RAPGEF5: variants seen among roughly 807,000 people sequenced by gnomAD.
The protein encoded by RAPGEF5 is Rap guanine nucleotide exchange factor 5.
Under a neutral mutation model 125.2 loss-of-function variants are expected in RAPGEF5, and 65 were observed. The ratio of observed to expected loss-of-function variants is 0.52; its 90% CI spans 0.43 to 0.64. The LOEUF (loss-of-function observed/expected upper bound fraction) is 0.64. Among genes scored for constraint, RAPGEF5 ranks in the 30% least tolerant of loss-of-function variants. The pLI is 0.00. For synonymous variants in RAPGEF5, 391 were observed against 385.9 expected, an observed-to-expected ratio of 1.01 and a Z score of -0.16; for missense variants, 958 against 1,048.1, an observed-to-expected ratio of 0.91 and a Z score of 1.19.
At chr7:22,136,241 T>C (rs1216689158) in intron 22 of RAPGEF5, 116 bp from the exon 23 acceptor site, 2 of 711,608 alleles carry the variant, frequency 2.8e-6, no homozygotes, top group Non-Finnish European at 2.2e-6. Flanking sequence ...AGATTCCTCC[T>C]AAGAACAAAG....
At chr7:22,146,604 C>T (rs1783447201) in intron 19 of RAPGEF5, among the ~76,000 whole-genome samples, 1 of 152,104 alleles carries the variant, frequency 6.6e-6, no homozygotes, top group South Asian at 2.1e-4. Context: ...TAAAATGGTT[C>T]ATCAACCCCA....
At position 22,150,516 on chromosome 7, in the gene RAPGEF5, A is replaced by G. The variant is rs1168696384; in HGVS notation, c.1787-12T>C. 1.4e-5 allele frequency: 11 copies of G among 778,262 alleles called. No individual in the cohort carries two copies. Among genetic ancestry groups the G allele is most frequent in the African/African-American group, 3.7e-5 (2 of 54,138 alleles). 48.2% of individuals were successfully genotyped at this position (778,262 alleles called of 1,614,324 possible). A position where few individuals can be genotyped will look rare whatever the true frequency, so the allele number is the denominator to read the frequency against. On this transcript the variant is annotated splice_polypyrimidine_tract_variant and intron_variant, in intron 17 of 25. Transcript: ENST00000665637. ...AAGTTCATGCTTTTCTTTATTTGAA[A>G]AAAAAAAAAAAAAAAGGAATAATCA...
intron 6 of RAPGEF5, among the ~76,000 whole-genome samples, chr7:22,289,624 A>G (rs933745685): frequency 1.4e-5 from 2 of 142,280 alleles, no homozygotes; most frequent in African/African-American, 2.8e-5. Flanking sequence ...TTTAAACCGA[A>G]AAGTTCTAAA....
intron 11 of RAPGEF5, among the ~76,000 whole-genome samples, chr7:22,183,722 T>G (rs972942349): frequency 6.6e-6 from 1 of 152,180 alleles, no homozygotes; most frequent in Non-Finnish European, 1.5e-5. Flanking sequence ...GTCACATGCA[T>G]ATGTCATTTA....
Position 22,122,436 on chromosome 7 carries a change from C to T in RAPGEF5, c.2622G>A (p.Glu874=). ...CCCGAGGCTCGATCCTGTGTGAGAGCTCAAACAGAGCCTGCTGGCTGTCAA... is the reference window on the plus strand; with the variant it reads ...CCCGAGGCTCGATCCTGTGTGAGAGTTCAAACAGAGCCTGCTGGCTGTCAA... ...YVIDSQQALF[E]LSHRIEPRV Residue 874 remains glutamate, a synonymous_variant, in exon 26 of 26, where the codon GAG becomes GAA. Coordinates refer to ENST00000665637, the MANE Select transcript of RAPGEF5 (RefSeq NM_012294.5). 6.2e-7 allele frequency: 1 copy of T among 1,613,824 alleles called. No individual in the cohort carries two copies. Among genetic ancestry groups the T allele is most frequent in the African/African-American group, 1.3e-5 (1 of 75,042 alleles).
At chr7:22,260,762 T>G (rs534681646) in intron 7 of RAPGEF5, among the ~76,000 whole-genome samples, 39 of 152,176 alleles carry the variant, frequency 2.6e-4, no homozygotes, top group Non-Finnish European at 4.4e-4. Flanking sequence ...CTTGACAAAT[T>G]AAAACTTTGA....
In RAPGEF5 at chr7:22,308,348, A is replaced by T. The variant is rs935869591; in HGVS notation, c.671T>A (p.Ile224Asn). 6.3e-7 allele frequency: 1 copy of T among 1,586,972 alleles called. No homozygotes were observed. The highest frequency in any genetic ancestry group is 8.6e-7 in the Non-Finnish European group (1 of 1,165,246). The change falls in exon 5 of 26, where the codon ATC becomes AAC. Residue 224 changes from isoleucine (I) to asparagine (N), a missense_variant. By Grantham distance (149) the Ile-to-Asn change is moderately radical. Coordinates refer to ENST00000665637, the MANE Select transcript of RAPGEF5 (RefSeq NM_012294.5). ...GAGAGCATCTACTTACAGTTCACAG[A>T]TGCCACCTCTGGCAGGAATGAGAGG... Reference protein sequence around the residue: ...LVPLIPARGGICELSHQKIED... With the variant: ...LVPLIPARGGNCELSHQKIED...
At chr7:22,156,421 CAA>C (rs1272526988) in intron 16 of RAPGEF5, among the ~76,000 whole-genome samples, 1 of 152,094 alleles carries the variant, frequency 6.6e-6, no homozygotes, top group African/African-American at 2.4e-5. Flanking sequence ...TGACTCAGCC[CAA>C]ATCTGCACAT....
intron 1 of RAPGEF5, among the ~76,000 whole-genome samples, chr7:22,337,668 G>C (rs75328837): frequency 0.08 from 12,192 of 152,132 alleles, 611 homozygotes; most frequent in South Asian, 0.17. Flanking sequence ...AGGCAAGATA[G>C]AGTTGGTTAG....
rs370627239 is a variant in RAPGEF5 at position 22,156,898 on chromosome 7, G to A, written c.1558-10C>T. On this transcript the variant is annotated splice_polypyrimidine_tract_variant and intron_variant, in intron 15 of 25. Transcript: ENST00000665637. Reference sequence around the variant, plus strand: ...GGAAAAGGGCTTTATTCTGTGAGATGGGAGAAAGAGAACAATGAATGAATA... The same window carrying A: ...GGAAAAGGGCTTTATTCTGTGAGATAGGAGAAAGAGAACAATGAATGAATA... 2.8e-4 allele frequency: 451 copies of A among 1,613,728 alleles called. No individual in the cohort carries two copies. The highest frequency in any genetic ancestry group is 3.5e-4 in the Non-Finnish European group (414 of 1,179,802).
intron 19 of RAPGEF5, among the ~76,000 whole-genome samples, 173 bp downstream of exon 19, chr7:22,146,724 C>A (rs577856180): frequency 6.6e-6 from 1 of 152,278 alleles, no homozygotes; most frequent in Non-Finnish European, 1.5e-5. Context: ...AGCATGCTCA[C>A]ATATTCTGAT....
At chr7:22,221,577 A>T (rs1322314789) in intron 8 of RAPGEF5, among the ~76,000 whole-genome samples, 1 of 152,170 alleles carries the variant, frequency 6.6e-6, no homozygotes, top group Non-Finnish European at 1.5e-5. Flanking sequence ...TAATTTAATC[A>T]TAGGGGCAGG....
At chr7:22,291,039 C>T in intron 6 of RAPGEF5, 136 bp downstream of exon 6, 1 of 970,634 alleles carries the variant, frequency 1.0e-6, no homozygotes, top group South Asian at 2.2e-5. Flanking sequence ...CTCCCTCTGC[C>T]TTGCCTCATA....
chr7:22,252,756 C>T (rs902614359), intron 7 of RAPGEF5, among the ~76,000 whole-genome samples: 3 of 152,044 alleles, frequency 2.0e-5, no homozygotes, highest in African/African-American at 7.2e-5. Context: ...TTTTTAAAGG[C>T]AATTTTCTTT....
At chr7:22,242,214 A>C (rs1786349367) in intron 7 of RAPGEF5, among the ~76,000 whole-genome samples, 1 of 152,232 alleles carries the variant, frequency 6.6e-6, no homozygotes, top group African/African-American at 2.4e-5. Flanking sequence ...CTTGGCACAC[A>C]GAGAAGACTG....
At chr7:22,194,547 G>T in intron 9 of RAPGEF5, 1 of 960,082 alleles carries the variant, frequency 1.0e-6, no homozygotes, top group Non-Finnish European at 1.2e-6. Flanking sequence ...TTAAAAGGCG[G>T]CAAGAAAAAA....
chr7:22,287,590 T>C (rs753629825), intron 6 of RAPGEF5, among the ~76,000 whole-genome samples: 14 of 152,170 alleles, frequency 9.2e-5, no homozygotes, highest in Non-Finnish European at 1.6e-4. Flanking sequence ...ACACAGACTC[T>C]CAAAGAGTAC....
intron 20 of RAPGEF5, 28 bp from the exon 21 acceptor site, chr7:22,140,143 C>T (rs1783210372): frequency 1.3e-6 from 2 of 1,520,532 alleles, no homozygotes; most frequent in South Asian, 2.4e-5. Flanking sequence ...GTAGAGGACA[C>T]TTTGAGGAAA....
intron 2 of RAPGEF5, among the ~76,000 whole-genome samples, chr7:22,316,489 A>ATATATTT (rs1201099897): frequency 3.9e-5 from 2 of 50,646 alleles, no homozygotes; most frequent in African/African-American, 8.2e-5. Context: ...ATATATATAT[A>ATATATTT]TTTTTTTTTT....
Sources: allele counts gnomAD v4.1 joint callset (sites outside exome capture counted in the v4.1 genomes callset), GRCh38; gene constraint gnomAD v4.1.1; transcripts MANE v1.5; gene names NCBI Gene and HGNC (gene_info 2026-07-23, HGNC 2026-07-21).